CAMK1D: variants seen among roughly 807,000 people sequenced by gnomAD.
CAMK1D encodes calcium/calmodulin-dependent protein kinase type 1D.
Under a neutral mutation model 47.7 loss-of-function variants are expected in CAMK1D, and 9 were observed. That is an observed-to-expected ratio of 0.19 (90% CI 0.11 to 0.33). The LOEUF (loss-of-function observed/expected upper bound fraction) is 0.33, where lower values mean the gene tolerates loss of function less well. Among genes scored for constraint, CAMK1D ranks in the 10% least tolerant of loss-of-function variants. The probability of loss-of-function intolerance (pLI) is 1.00; values close to 1 mark genes in which losing one functional copy is unlikely to be tolerated. For missense variants in CAMK1D, 291 were observed against 488.7 expected (o/e 0.60, Z 3.81); for synonymous variants, 184 against 184.9 (o/e 0.99, Z 0.04).
At chr10:12,633,910 C>T (rs1049918197) in intron 2 of CAMK1D, among the ~76,000 whole-genome samples, 1 of 152,170 alleles carries the variant, frequency 6.6e-6, no homozygotes, top group African/African-American at 2.4e-5. Flanking sequence ...GATGCCCTGA[C>T]CCTTTTGCAG....
chr10:12,423,854 T>C (rs952835358), intron 1 of CAMK1D, among the ~76,000 whole-genome samples: 7 of 152,190 alleles, frequency 4.6e-5, no homozygotes, highest in African/African-American at 1.7e-4. Context: ...CTGAGTGGTG[T>C]GTATCTGAAA....
chr10:12,622,280 C>A (rs966624500), intron 2 of CAMK1D, among the ~76,000 whole-genome samples: 1 of 152,106 alleles, frequency 6.6e-6, no homozygotes, highest in African/African-American at 2.4e-5. Context: ...TTGTTGTCTG[C>A]AAGTTTGTCT....
At chr10:12,359,822 A>T (rs1341091589) in intron 1 of CAMK1D, among the ~76,000 whole-genome samples, 1 of 152,216 alleles carries the variant, frequency 6.6e-6, no homozygotes, top group African/African-American at 2.4e-5. Flanking sequence ...TTTTAATGCT[A>T]GAGTATTTAA....
At chr10:12,780,610 G>T (rs1396382039) in intron 5 of CAMK1D, among the ~76,000 whole-genome samples, 2 of 152,044 alleles carry the variant, frequency 1.3e-5, no homozygotes, top group African/African-American at 2.4e-5. Context: ...TCCCCATAGC[G>T]CCTCTGTTCC....
intron 1 of CAMK1D, among the ~76,000 whole-genome samples, chr10:12,356,325 G>T (rs1433911496): frequency 6.6e-6 from 1 of 152,158 alleles, no homozygotes; most frequent in African/African-American, 2.4e-5. Context: ...TGGTGGTTTT[G>T]TTCAGTTTCC....
At chr10:12,623,972 G>A (rs978284005) in intron 2 of CAMK1D, among the ~76,000 whole-genome samples, 4 of 152,040 alleles carry the variant, frequency 2.6e-5, no homozygotes, top group Non-Finnish European at 5.9e-5. Context: ...CCAGCTATTC[G>A]GGAGGCTGAG....
intron 3 of CAMK1D, among the ~76,000 whole-genome samples, chr10:12,669,248 C>A (rs79419238): frequency 2.4e-4 from 8 of 33,418 alleles, no homozygotes; most frequent in Middle Eastern, 9.4e-3. Flanking sequence ...AACAAAAAAA[C>A]CCCACAAAAA....
At chr10:12,518,692 A>G (rs1304613461) in intron 1 of CAMK1D, among the ~76,000 whole-genome samples, 2 of 91,816 alleles carry the variant, frequency 2.2e-5, no homozygotes, top group African/African-American at 8.2e-5. Flanking sequence ...GATGACTCTT[A>G]ACGAGCATGC....
Position 12,446,223 on chromosome 10 carries a change from G to A in CAMK1D, c.92+96313G>A, listed in dbSNP as rs1285000174. ...TTTATTAAGAAAGTAAAGGAATCAA[G>A]AATGGCTAATCCATAGACAGAGCAG... On this transcript the variant is annotated intron_variant, in intron 1 of 10. Coordinates refer to ENST00000619168, the MANE Select transcript of CAMK1D (RefSeq NM_153498.4). Among the ~76,000 whole-genome samples, 5 of 152,270 alleles carry A rather than the reference G, an allele frequency of 3.3e-5. No homozygotes were observed. The East Asian group carries it at 9.6e-4, about 29-fold the overall frequency.
intron 1 of CAMK1D, among the ~76,000 whole-genome samples, chr10:12,470,053 A>G (rs995575271): frequency 6.6e-5 from 10 of 152,218 alleles, no homozygotes; most frequent in Non-Finnish European, 4.4e-5. Flanking sequence ...ATGATTTCAA[A>G]TGTTCATTTG....
At chr10:12,617,689 C>T (rs1838865368) in intron 2 of CAMK1D, among the ~76,000 whole-genome samples, 1 of 152,090 alleles carries the variant, frequency 6.6e-6, no homozygotes, top group Admixed American at 6.5e-5. Context: ...TTTCTAGTTG[C>T]TGAGATACCT....
intron 2 of CAMK1D, among the ~76,000 whole-genome samples, chr10:12,580,680 C>G (rs760607299): frequency 1.3e-5 from 2 of 152,154 alleles, no homozygotes; most frequent in Non-Finnish European, 2.9e-5. Flanking sequence ...TTCATATGGA[C>G]CCCAGCCTAA....
chr10:12,684,993 T>TAA (rs1832595205), intron 3 of CAMK1D, among the ~76,000 whole-genome samples: 1 of 152,226 alleles, frequency 6.6e-6, no homozygotes, highest in Admixed American at 6.5e-5. Context: ...GAGTTAAGCC[T>TAA]TGTTTTCCAA....
At chr10:12,387,383 ATATATAT>A (rs1477775986) in intron 1 of CAMK1D, among the ~76,000 whole-genome samples, 4 of 34,234 alleles carry the variant, frequency 1.2e-4, no homozygotes, top group African/African-American at 1.9e-4. Context: ...ATTATATATT[ATATATAT>A]TATATATTTT....
chr10:12,747,404 T>C (rs59225986), intron 3 of CAMK1D, among the ~76,000 whole-genome samples: 40,425 of 152,026 alleles, frequency 0.27, 6,122 homozygotes, highest in African/African-American at 0.42. Flanking sequence ...CTCCTGGGTG[T>C]AAACAATCCT....
At chr10:12,689,498 C>A (rs909669696) in intron 3 of CAMK1D, among the ~76,000 whole-genome samples, 34 of 152,098 alleles carry the variant, frequency 2.2e-4, no homozygotes, top group Non-Finnish European at 3.2e-4. Flanking sequence ...TTTGAACTTG[C>A]CGGGCGTGGT....
chr10:12,401,069 TATATATA>T (rs1434578168), intron 1 of CAMK1D, among the ~76,000 whole-genome samples: 2 of 97,728 alleles, frequency 2.0e-5, no homozygotes, highest in Non-Finnish European at 3.8e-5. Flanking sequence ...ATATATTTTA[TATATATA>T]ATATATGTAT....
At chr10:12,825,228 A>G (rs1402322396) in intron 9 of CAMK1D, among the ~76,000 whole-genome samples, 1 of 116,772 alleles carries the variant, frequency 8.6e-6, no homozygotes, top group Non-Finnish European at 1.8e-5. Context: ...AGGAAAATAA[A>G]AACTATTTTC....
intron 2 of CAMK1D, among the ~76,000 whole-genome samples, chr10:12,657,018 G>C (rs750703365): frequency 1.3e-5 from 2 of 152,196 alleles, no homozygotes; most frequent in Non-Finnish European, 2.9e-5. Flanking sequence ...CTAATCTCTT[G>C]ATTGCTTGTG....
Sources: allele counts gnomAD v4.1 joint callset (sites outside exome capture counted in the v4.1 genomes callset), GRCh38; gene constraint gnomAD v4.1.1; transcripts MANE v1.5; gene names NCBI Gene and HGNC (gene_info 2026-07-23, HGNC 2026-07-21).